Variants in MTMR3 observed in about 807,000 individuals in gnomAD.
The protein encoded by MTMR3 is myotubularin related protein 3.
Under a neutral mutation model 132.4 loss-of-function variants are expected in MTMR3, and 32 were observed. The observed-to-expected ratio is 0.24, with a 90% CI of 0.18 to 0.32. The LOEUF (loss-of-function observed/expected upper bound fraction) is 0.32. Ranked by LOEUF, MTMR3 falls within the 10% of genes least tolerant of loss-of-function variation. The probability of loss-of-function intolerance (pLI) is 1.00; values close to 1 mark genes in which losing one functional copy is unlikely to be tolerated. For synonymous variants in MTMR3, 556 were observed against 550.3 expected, an observed-to-expected ratio of 1.01 and a Z score of -0.14; for missense variants, 1,216 against 1,489.6, an observed-to-expected ratio of 0.82 and a Z score of 3.02.
At chr22:30,021,923 A>T in intron 17 of MTMR3, 106 bp from the exon 18 acceptor site, 4 of 827,196 alleles carry the variant, frequency 4.8e-6, no homozygotes. Context: ...CAGTCCTAGC[A>T]CTCGGCCCCA....
chr22:29,887,170 A>G (rs560588510), intron 1 of MTMR3, among the ~76,000 whole-genome samples: 1 of 152,294 alleles, frequency 6.6e-6, no homozygotes, highest in Non-Finnish European at 1.5e-5. Flanking sequence ...TTTGTATCAG[A>G]TATTAAAAAT....
At chr22:29,916,142 C>A (rs190896898) in intron 1 of MTMR3, among the ~76,000 whole-genome samples, 413 of 152,170 alleles carry the variant, frequency 2.7e-3, no homozygotes, top group African/African-American at 9.4e-3. Context: ...TTCATCTGGG[C>A]CTGTAGAGGA....
chr22:29,993,721 G>A (rs1376308983), intron 7 of MTMR3: 6 of 152,182 alleles, frequency 3.9e-5, no homozygotes, highest in Non-Finnish European at 7.3e-5. Flanking sequence ...ATTCCTGAGA[G>A]GTACCTCAGT....
chr22:29,892,593 A>G (rs2064821365), intron 1 of MTMR3, among the ~76,000 whole-genome samples: 1 of 152,166 alleles, frequency 6.6e-6, no homozygotes, highest in African/African-American at 2.4e-5. Context: ...GTTGCTTTTG[A>G]TCTGTGGCTG....
intron 1 of MTMR3, among the ~76,000 whole-genome samples, chr22:29,884,953 A>C (rs1457220456): frequency 1.3e-5 from 2 of 152,156 alleles, no homozygotes; most frequent in Non-Finnish European, 2.9e-5. Context: ...GCTGCCTATG[A>C]ATACCTCTTT....
rs754173348 is a variant in MTMR3, at chr22:29,998,849, G to C, written c.549G>C (p.Glu183Asp). The C allele has an allele frequency of 1.9e-6, 3 of 1,609,346 alleles. No individual in the cohort carries two copies. Among genetic ancestry groups the C allele is most frequent in the South Asian group, 1.1e-5 (1 of 90,498 alleles). The change falls in exon 8 of 20, where the codon GAG becomes GAC. Residue 183 changes from glutamate to aspartate, a missense_variant. By Grantham distance (45) the Glu-to-Asp change is conservative (BLOSUM62 2). This residue lies in a region of MTMR3 where 129 missense variants were observed against 245.7 expected (regional missense o/e 0.53). Coordinates refer to ENST00000401950, the MANE Select transcript of MTMR3 (RefSeq NM_021090.4). ...NNAWRISNIN[E>D]KYKLCGSYPQ... is the part of the protein sequence containing the mutation. ...CCTGGAGGATTTCCAACATCAATGA[G>C]AAGTACAAGTGAGTTATATGGGTCC...
chr22:29,908,570 A>C (rs1177076142), intron 1 of MTMR3, among the ~76,000 whole-genome samples: 3 of 152,226 alleles, frequency 2.0e-5, no homozygotes, highest in African/African-American at 7.2e-5. Context: ...CTAGGTGGCA[A>C]ATTAATCTTT....
intron 10 of MTMR3, 92 bp downstream of exon 10, chr22:30,007,411 C>CT (rs2067295623): frequency 1.0e-5 from 13 of 1,267,560 alleles, no homozygotes; most frequent in Non-Finnish European, 1.4e-5. Context: ...CATAGATTTA[C>CT]TTTTATAGAA....
At chr22:29,886,548 G>A (rs1461897688) in intron 1 of MTMR3, among the ~76,000 whole-genome samples, 2 of 151,976 alleles carry the variant, frequency 1.3e-5, no homozygotes, top group Non-Finnish European at 2.9e-5. Context: ...TACAATTAAG[G>A]GCCTATAGTC....
At chr22:29,947,230 T>G (rs1274905922) in intron 1 of MTMR3, among the ~76,000 whole-genome samples, 1 of 152,150 alleles carries the variant, frequency 6.6e-6, no homozygotes, top group Non-Finnish European at 1.5e-5. Context: ...ATTTTTATGT[T>G]GGAAAATGCA....
chr22:29,895,573 A>G (rs560974392), intron 1 of MTMR3, among the ~76,000 whole-genome samples: 222 of 152,328 alleles, frequency 1.5e-3, no homozygotes, highest in African/African-American at 4.7e-3. Context: ...TCGTAGCCCA[A>G]TTCAACTTTT....
At chr22:29,883,647 A>T (rs570335014) in intron 1 of MTMR3, among the ~76,000 whole-genome samples, 1 of 152,126 alleles carries the variant, frequency 6.6e-6, no homozygotes, top group African/African-American at 2.4e-5. Context: ...GCCTTCCCAG[A>T]CCTGGCGGGG....
chr22:29,922,795 C>T (rs931231382), intron 1 of MTMR3, among the ~76,000 whole-genome samples: 3 of 152,004 alleles, frequency 2.0e-5, no homozygotes, highest in Non-Finnish European at 4.4e-5. Context: ...CCACACAACC[C>T]AGCCAGCACT....
intron 14 of MTMR3, chr22:30,013,916 C>A: frequency 5.6e-6 from 1 of 178,160 alleles, no homozygotes; most frequent in Non-Finnish European, 1.2e-5. Context: ...GGTACACTAT[C>A]CCTGCCCTCT....
chr22:29,916,489 C>T (rs1602467270), intron 1 of MTMR3, among the ~76,000 whole-genome samples: 2 of 152,166 alleles, frequency 1.3e-5, no homozygotes, highest in African/African-American at 4.8e-5. Flanking sequence ...GGTCTGGAAA[C>T]TGCCTCAAAA....
intron 2 of MTMR3, among the ~76,000 whole-genome samples, chr22:29,964,468 G>C (rs938065165): frequency 6.6e-6 from 1 of 152,096 alleles, no homozygotes; most frequent in Admixed American, 6.6e-5. Flanking sequence ...TTTTCTTATG[G>C]ATTTGGAATT....
At chr22:29,907,077 A>G (rs9614105) in intron 1 of MTMR3, among the ~76,000 whole-genome samples, 24,261 of 151,652 alleles carry the variant, frequency 0.16, 2,040 homozygotes, top group South Asian at 0.24. Flanking sequence ...ACTCGGTCTC[A>G]AACAAACAAA....
intron 5 of MTMR3, 44 bp downstream of exon 5, chr22:29,979,096 A>G (rs780086058): frequency 3.7e-6 from 5 of 1,344,152 alleles, no homozygotes; most frequent in South Asian, 1.2e-5. Context: ...AAATGGAGAA[A>G]GTAAGTCAAA....
intron 1 of MTMR3, among the ~76,000 whole-genome samples, chr22:29,940,742 G>A (rs1349263135): frequency 6.7e-6 from 1 of 150,034 alleles, no homozygotes; most frequent in Non-Finnish European, 1.5e-5. Context: ...CCATCGTAAA[G>A]CACATGCCCT....
Sources: allele counts gnomAD v4.1 joint callset (sites outside exome capture counted in the v4.1 genomes callset), GRCh38; gene constraint gnomAD v4.1.1; regional missense constraint gnomAD v4.1.1; transcripts MANE v1.5; gene names NCBI Gene and HGNC (gene_info 2026-07-23, HGNC 2026-07-21).